The following TMC1 variants were observed in gnomAD, a reference collection of about 807,000 sequenced individuals.
TMC1 encodes transmembrane channel-like protein 1.
A neutral mutation model predicts 105.8 loss-of-function variants in TMC1; 84 were observed. That is an observed-to-expected ratio of 0.79 (90% CI 0.67 to 0.95). The LOEUF (loss-of-function observed/expected upper bound fraction) is 0.95, where lower values mean the gene tolerates loss of function less well. Ranked by LOEUF, TMC1 falls within the 40% of genes least tolerant of loss-of-function variation. The pLI is 0.00. For missense variants in TMC1, 817 were observed against 914.1 expected (o/e 0.89, Z 1.37); for synonymous variants, 315 against 311.5 (o/e 1.01, Z -0.12).
chr9:72,733,639 T>A (rs187200543), intron 8 of TMC1, among the ~76,000 whole-genome samples: 47 of 152,290 alleles, frequency 3.1e-4, no homozygotes, highest in Middle Eastern at 3.4e-3. Flanking sequence ...TGAACCTGAT[T>A]GCTGTCAATC....
At chr9:72,736,868 C>A (rs1023077936) in intron 8 of TMC1, among the ~76,000 whole-genome samples, 1 of 152,090 alleles carries the variant, frequency 6.6e-6, no homozygotes. Flanking sequence ...GCACACAATA[C>A]CTAGAAATAT....
intron 17 of TMC1, among the ~76,000 whole-genome samples, chr9:72,795,928 A>G (rs1828357558): frequency 6.6e-6 from 1 of 152,056 alleles, no homozygotes; most frequent in Non-Finnish European, 1.5e-5. Flanking sequence ...AATAACACCC[A>G]CACGCTAAAA....
chr9:72,677,129 TACACACACACACACAC>T (rs71495332), intron 5 of TMC1, among the ~76,000 whole-genome samples: 186 of 145,224 alleles, frequency 1.3e-3, no homozygotes, highest in African/African-American at 4.5e-3. Flanking sequence ...GAACAGAAAT[TACACACACACACACAC>T]ACACACACAC....
intron 12 of TMC1, among the ~76,000 whole-genome samples, chr9:72,759,092 C>T (rs1388314930): frequency 1.3e-5 from 2 of 152,094 alleles, no homozygotes; most frequent in African/African-American, 4.8e-5. Flanking sequence ...GTTTTTACCC[C>T]TACTGTTGGG....
intron 18 of TMC1, among the ~76,000 whole-genome samples, chr9:72,806,842 C>T (rs1049683363): frequency 1.3e-5 from 2 of 152,174 alleles, no homozygotes; most frequent in African/African-American, 4.8e-5. Flanking sequence ...CAGAGACGCT[C>T]CTCACTTCCC....
chr9:72,706,208 C>G (rs749665109), intron 8 of TMC1, among the ~76,000 whole-genome samples: 17 of 152,254 alleles, frequency 1.1e-4, no homozygotes, highest in Non-Finnish European at 2.2e-4. Context: ...CATTCTCACC[C>G]TTTCTCTCCT....
chr9:72,623,915 A>C (rs1339622471), intron 3 of TMC1, among the ~76,000 whole-genome samples: 1 of 152,178 alleles, frequency 6.6e-6, no homozygotes, highest in Non-Finnish European at 1.5e-5. Context: ...AAGGGGCACC[A>C]TACTGATAGA....
Position 72,742,517 on chromosome 9 carries a change from C to G in TMC1, c.527C>G (p.Ala176Gly). The stretch of plus-strand genomic sequence containing the variant: ...GTCCCATGGGAAAATAAAATCAAGG[C>G]TATTGAAAGTAAGTCCTTATCAGAT... ...ACVPWENKIK[A>G]IESQFGSSVA... The change falls in exon 10 of 24, where the codon GCT becomes GGT. Residue 176 changes from alanine to glycine, a missense_variant. Transcript: ENST00000297784. 3 of 1,613,678 alleles carry G rather than the reference C, an allele frequency of 1.9e-6. No individual in the cohort carries two copies. The highest frequency in any genetic ancestry group is 1.7e-6 in the Non-Finnish European group (2 of 1,179,666).
chr9:72,767,022 T>A (rs1248613955), intron 12 of TMC1, among the ~76,000 whole-genome samples: 1 of 152,132 alleles, frequency 6.6e-6, no homozygotes, highest in Non-Finnish European at 1.5e-5. Context: ...ATAATTAGCC[T>A]TTTCACTCCT....
At chr9:72,813,388 G>A (rs1476960166) in intron 18 of TMC1, among the ~76,000 whole-genome samples, 4 of 152,104 alleles carry the variant, frequency 2.6e-5, no homozygotes, top group Non-Finnish European at 5.9e-5. Context: ...GAGAGCTTCT[G>A]TGTTTATTGC....
At chr9:72,733,285 A>G (rs73647806) in intron 8 of TMC1, among the ~76,000 whole-genome samples, 2,072 of 151,876 alleles carry the variant, frequency 0.014, 63 homozygotes, top group African/African-American at 0.047. Context: ...AGGGCTCAGG[A>G]TAGAATTCCT....
intron 1 of TMC1, among the ~76,000 whole-genome samples, chr9:72,557,286 G>A (rs1171093016): frequency 6.6e-6 from 1 of 151,994 alleles, no homozygotes; most frequent in East Asian, 1.9e-4. Flanking sequence ...CAGGAGAATC[G>A]CTTGAACCCG....
In TMC1 at chr9:72,645,819, C is replaced by A. The variant is rs529299613; in HGVS notation, c.-52-2778C>A. Reference sequence around the variant, plus strand: ...ATCTTAAAATAATCTTTAAGGGGCACCCATTTTTCCTTAGTTAATAATGTA... The same window carrying A: ...ATCTTAAAATAATCTTTAAGGGGCAACCATTTTTCCTTAGTTAATAATGTA... On this transcript the variant is annotated intron_variant, in intron 4 of 23. Coordinates refer to ENST00000297784, the MANE Select transcript of TMC1 (RefSeq NM_138691.3). Among the ~76,000 whole-genome samples the A allele has an allele frequency of 3.7e-3, 562 of 152,224 alleles. 6 individuals are homozygous for A. Among genetic ancestry groups the A allele is most frequent in the Non-Finnish European group, 6.9e-3 (468 of 68,006 alleles).
At chr9:72,793,056 C>T (rs1329436540) in intron 17 of TMC1, among the ~76,000 whole-genome samples, 1 of 152,118 alleles carries the variant, frequency 6.6e-6, no homozygotes, top group Admixed American at 6.5e-5. Context: ...CAGGAGATAT[C>T]CTCATGAACC....
intron 2 of TMC1, among the ~76,000 whole-genome samples, chr9:72,602,276 A>AGGT (rs1824830119): frequency 6.6e-6 from 1 of 151,696 alleles, no homozygotes; most frequent in African/African-American, 2.4e-5. Context: ...GTAAGACAAC[A>AGGT]CACTCCAGGT....
At chr9:72,696,605 CAG>C (rs1220448887) in intron 7 of TMC1, among the ~76,000 whole-genome samples, 1 of 152,080 alleles carries the variant, frequency 6.6e-6, no homozygotes, top group African/African-American at 2.4e-5. Flanking sequence ...AGTAATGCCT[CAG>C]GGAATTTCCC....
At chr9:72,734,948 T>G (rs1207637231) in intron 8 of TMC1, among the ~76,000 whole-genome samples, 2 of 152,246 alleles carry the variant, frequency 1.3e-5, no homozygotes, top group Non-Finnish European at 2.9e-5. Context: ...TAATCGTGGT[T>G]GTATCATGTG....
chr9:72,749,893 G>T, intron 10 of TMC1, among the ~76,000 whole-genome samples: 1 of 152,106 alleles, frequency 6.6e-6, no homozygotes, highest in Non-Finnish European at 1.5e-5. Flanking sequence ...TGGATCACGA[G>T]GTCAGGAGTT....
intron 1 of TMC1, among the ~76,000 whole-genome samples, chr9:72,523,294 G>A (rs1823346369): frequency 6.6e-6 from 1 of 152,068 alleles, no homozygotes; most frequent in African/African-American, 2.4e-5. Context: ...AGGAGTAATA[G>A]GGAATTATAG....
Sources: gnomAD v4.1 joint callset for allele counts (sites outside exome capture counted in the v4.1 genomes callset) on GRCh38, gnomAD v4.1.1 for gene constraint, MANE v1.5 for transcripts, NCBI Gene and HGNC (gene_info 2026-07-23, HGNC 2026-07-21) for gene names.